The following MICAL2 variants were observed in gnomAD, a reference collection of about 807,000 sequenced individuals.
MICAL2 encodes the protein [F-actin]-monooxygenase MICAL2.
In MICAL2, 77 loss-of-function variants were observed where a neutral mutation model predicts 127.3. The observed-to-expected ratio is 0.60, with a 90% CI of 0.50 to 0.73. The LOEUF is 0.73. Ranked by LOEUF, MICAL2 falls within the 30% of genes least tolerant of loss-of-function variation. The pLI is 0.00. For synonymous variants in MICAL2, 570 were observed against 551.1 expected (o/e 1.03, Z -0.48); for missense variants, 1,351 against 1,434.4 (o/e 0.94, Z 0.94).
rs79490300 is a variant in MICAL2, at chr11:12,277,876, G to T, written c.87+1710G>T. On this transcript the variant is annotated intron_variant, in intron 1 of 2. Transcript: ENST00000529028. ...CCTGGGCTATATGGTGTAACCTATT[G>T]CTCCCAGGCTACAGACCTGCACATT... Among the ~76,000 whole-genome samples, 12 of 152,308 alleles carry T rather than the reference G, an allele frequency of 7.9e-5. No individual in the cohort carries two copies. In the East Asian group the frequency reaches 2.3e-3, roughly 29 times the overall value.
chr11:12,153,696 C>T (rs534677360), intron 2 of MICAL2, among the ~76,000 whole-genome samples: 1 of 152,330 alleles, frequency 6.6e-6, no homozygotes, highest in African/African-American at 2.4e-5. Flanking sequence ...TTAATAATAA[C>T]TCTCCATTCC....
rs538433165 is a variant in MICAL2 at position 12,313,057 on chromosome 11, A to T, written c.5213-6639A>T. 1.2e-4 allele frequency among the ~76,000 whole-genome samples: 18 copies of T among 148,696 alleles called. No homozygotes were observed. The East Asian group carries it at 3.6e-3, about 30-fold the overall frequency. On this transcript the variant is annotated intron_variant, in intron 29 of 34. Transcript: ENST00000646065. ...ATGGCGGGCGCCTGTAGTCCCGGCT[A>T]CTGGGGAGGCTGAGGCAGGAGAATG...
chr11:12,337,323 G>C (rs184228783), intron 32 of MICAL2, among the ~76,000 whole-genome samples: 1 of 152,010 alleles, frequency 6.6e-6, no homozygotes, highest in African/African-American at 2.4e-5. Context: ...TTTTTATTGC[G>C]TCCATTTGAT....
intron 29 of MICAL2, among the ~76,000 whole-genome samples, chr11:12,311,785 T>A (rs955317739): frequency 4.1e-4 from 63 of 152,228 alleles, no homozygotes; most frequent in Admixed American, 9.2e-4. Flanking sequence ...GTGTCCTTTT[T>A]CTGTTCTCTG....
At chr11:12,327,982 T>C (rs941355796) in intron 32 of MICAL2, among the ~76,000 whole-genome samples, 3 of 152,010 alleles carry the variant, frequency 2.0e-5, no homozygotes, top group Admixed American at 6.6e-5. Flanking sequence ...TTTTTCATTT[T>C]CTCATCTAAA....
Position 12,316,630 on chromosome 11 carries a change from G to A in MICAL2, c.5213-3066G>A, listed in dbSNP as rs1486436297. 2.7e-5 allele frequency among the ~76,000 whole-genome samples: 4 copies of A among 149,832 alleles called. No homozygotes were observed. The Admixed American group carries it at 2.7e-4, about 10-fold the overall frequency. On this transcript the variant is annotated intron_variant, in intron 29 of 34. Transcript: ENST00000646065. ...AATTCCCTCATATCTGTCATTTCTG[G>A]GTCTGCTTTTATTGACAAATTTTTC...
At chr11:12,209,644 G>A (rs779078077) in intron 6 of MICAL2, 46 bp downstream of exon 6, 40 of 1,514,844 alleles carry the variant, frequency 2.6e-5, no homozygotes, top group Non-Finnish European at 3.7e-5. Context: ...ATGGGAATGG[G>A]AGAGGGTACA....
At chr11:12,282,264 T>C (rs1383877321) in intron 2 of MICAL2, among the ~76,000 whole-genome samples, 1 of 152,182 alleles carries the variant, frequency 6.6e-6, no homozygotes, top group Non-Finnish European at 1.5e-5. Flanking sequence ...TTTGTGGGGC[T>C]GTGCAGAAAG....
At chr11:12,327,523 C>T (rs923711353) in intron 32 of MICAL2, among the ~76,000 whole-genome samples, 7 of 152,216 alleles carry the variant, frequency 4.6e-5, no homozygotes, top group Admixed American at 2.6e-4. Flanking sequence ...GGCCTTGTAA[C>T]TGGGCGTCTG....
At chr11:12,358,220 C>T (rs559857637) in intron 34 of MICAL2, 11 of 1,424,366 alleles carry the variant, frequency 7.7e-6, no homozygotes, top group East Asian at 6.9e-5. Context: ...CCATAACAAT[C>T]GAGAATGTCC....
At chr11:12,356,960 A>G (rs1939138034) in intron 34 of MICAL2, among the ~76,000 whole-genome samples, 1 of 152,240 alleles carries the variant, frequency 6.6e-6, no homozygotes, top group Non-Finnish European at 1.5e-5. Context: ...CCCATCCACC[A>G]ATGAGATATG....
rs59477152 is a variant in MICAL2 at position 12,330,786 on chromosome 11, G to GGAGAGAGA, written c.5515+3531_5515+3538dup. On this transcript the variant is annotated intron_variant, in intron 32 of 34. Coordinates refer to the MICAL2 transcript ENST00000646065. ...CAAATCATTATGTTTTGCAGGACGT[G>GGAGAGAGA]GAGAGAGAGAGAGAGAGACAGAGAG... Among the ~76,000 whole-genome samples, 25 of 98,618 alleles carry GGAGAGAGA rather than the reference G, an allele frequency of 2.5e-4. 1 individual carries two copies. In the East Asian group the frequency reaches 5.8e-3, roughly 23 times the overall value. 64.7% of individuals were successfully genotyped at this position (98,618 alleles called of 152,430 possible). A position where few individuals can be genotyped will look rare whatever the true frequency, so the allele number is the denominator to read the frequency against.
downstream of MICAL2, among the ~76,000 whole-genome samples, chr11:12,288,505 A>G (rs1246789766): frequency 6.6e-6 from 1 of 152,176 alleles, no homozygotes; most frequent in Non-Finnish European, 1.5e-5. Context: ...GAGCAGCCCC[A>G]TGGTGTCTGG....
intron 1 of MICAL2, among the ~76,000 whole-genome samples, chr11:12,116,085 T>TTCTGCC (rs927540221): frequency 1.3e-5 from 2 of 151,738 alleles, no homozygotes; most frequent in African/African-American, 4.8e-5. Context: ...CATGCCATTC[T>TTCTGCC]TCTGCCTCTG....
chr11:12,161,808 T>C, intron 2 of MICAL2: 1 of 301,226 alleles, frequency 3.3e-6, no homozygotes, highest in Non-Finnish European at 6.2e-6. Flanking sequence ...CTGTTGGCAT[T>C]AGCCAGGGCA....
intron 18 of MICAL2, 25 bp downstream of exon 18, chr11:12,241,187 G>A: frequency 1.9e-6 from 3 of 1,607,036 alleles, no homozygotes; most frequent in Non-Finnish European, 2.6e-6. Context: ...AGTGGATGCT[G>A]TTTTGGTGAA....
intron 30 of MICAL2, among the ~76,000 whole-genome samples, chr11:12,322,665 C>A (rs555677787): frequency 6.6e-6 from 1 of 152,020 alleles, no homozygotes; most frequent in Non-Finnish European, 1.5e-5. Context: ...AGAAGGCAAA[C>A]GAGTAAAAAT....
chr11:12,303,515 G>A (rs1311525456), intron 29 of MICAL2: 1 of 152,166 alleles, frequency 6.6e-6, no homozygotes, highest in Non-Finnish European at 1.5e-5. Context: ...TGTATCATCT[G>A]AACAGAGACA....
intron 21 of MICAL2, among the ~76,000 whole-genome samples, chr11:12,248,839 C>T (rs1210468459): frequency 6.6e-6 from 1 of 152,178 alleles, no homozygotes; most frequent in Non-Finnish European, 1.5e-5. Context: ...TAGAGCTAGG[C>T]AACCTTTTGG....
Sources: allele counts gnomAD v4.1 joint callset (sites outside exome capture counted in the v4.1 genomes callset), GRCh38; gene constraint gnomAD v4.1.1; transcripts MANE v1.5; gene names NCBI Gene and HGNC (gene_info 2026-07-23, HGNC 2026-07-21).